CFTR: variants seen among roughly 807,000 people sequenced by gnomAD.
The protein encoded by CFTR is CF transmembrane conductance regulator, also known as cystic fibrosis transmembrane conductance regulator.
A neutral mutation model predicts 171.6 loss-of-function variants in CFTR; 181 were observed. The ratio of observed to expected loss-of-function variants is 1.05; its 90% CI spans 0.93 to 1.19. The LOEUF (loss-of-function observed/expected upper bound fraction) is 1.19, where lower values mean the gene tolerates loss of function less well. Ranked by LOEUF, CFTR falls within the 50% of genes most tolerant of loss-of-function variation. CFTR has a pLI of 0.00. For synonymous variants in CFTR, 583 were observed against 608.0 expected (o/e 0.96, Z 0.60); for missense variants, 1,968 against 1,734.7 (o/e 1.13, Z -2.39).
At chr7:117,574,313 T>C (rs1042324996) in intron 11 of CFTR, among the ~76,000 whole-genome samples, 15 of 152,090 alleles carry the variant, frequency 9.9e-5, no homozygotes, top group Non-Finnish European at 1.9e-4. Context: ...ATTATTAATG[T>C]ATTTTGTTTT....
intron 15 of CFTR, among the ~76,000 whole-genome samples, chr7:117,597,079 A>C (rs1792141693): frequency 6.6e-6 from 1 of 152,208 alleles, no homozygotes; most frequent in Admixed American, 6.5e-5. Context: ...CCTGAGCCAG[A>C]AGTGGCAACC....
At chr7:117,637,750 A>T (rs1345435395) in intron 22 of CFTR, among the ~76,000 whole-genome samples, 2 of 151,920 alleles carry the variant, frequency 1.3e-5, no homozygotes, top group African/African-American at 4.8e-5. Context: ...GGTGGCACAC[A>T]CCTATAATCC....
chr7:117,535,941 T>C (rs1301700693), intron 6 of CFTR, among the ~76,000 whole-genome samples: 1 of 152,188 alleles, frequency 6.6e-6, no homozygotes, highest in East Asian at 1.9e-4. Context: ...TTCAGTTCAT[T>C]TTTGTAGATT....
At chr7:117,654,376 T>G (rs2116199014) in intron 24 of CFTR, among the ~76,000 whole-genome samples, 1 of 152,272 alleles carries the variant, frequency 6.6e-6, no homozygotes, top group African/African-American at 2.4e-5. Flanking sequence ...GCATGAGTGC[T>G]GGGGTCTGCT....
intron 20 of CFTR, among the ~76,000 whole-genome samples, chr7:117,613,909 C>T (rs143947263): frequency 6.7e-6 from 1 of 148,858 alleles, no homozygotes; most frequent in Admixed American, 6.7e-5. Context: ...ATACTGAACA[C>T]ATGAATTTTA....
rs770241677 is a variant in CFTR, at chr7:117,530,960, A to G, written c.335A>G (p.Asp112Gly). 5.0e-6 allele frequency: 8 copies of G among 1,613,724 alleles called. No homozygotes were observed. The Admixed American group carries it at 6.7e-5, about 13-fold the overall frequency. Residue 112 changes from aspartate to glycine, a missense_variant, in exon 4 of 27, where the codon GAT becomes GGT. Physicochemically the swap from Asp to Gly is moderately conservative, Grantham distance 94. Coordinates refer to ENST00000003084, the MANE Select transcript of CFTR (RefSeq NM_000492.4). ...LGRIIASYDP[D>G]NKEERSIAIY... ...AGAATCATAGCTTCCTATGACCCGGATAACAAGGAGGAACGCTCTATCGCG... is the reference window on the plus strand; with the variant it reads ...AGAATCATAGCTTCCTATGACCCGGGTAACAAGGAGGAACGCTCTATCGCG...
intron 12 of CFTR, among the ~76,000 whole-genome samples, chr7:117,590,141 A>T (rs943365964): frequency 6.6e-6 from 1 of 152,048 alleles, no homozygotes; most frequent in Non-Finnish European, 1.5e-5. Flanking sequence ...TCTGCAACTT[A>T]TTCCTTTATT....
intron 2 of CFTR, among the ~76,000 whole-genome samples, chr7:117,507,315 G>T (rs1426656663): frequency 6.6e-6 from 1 of 151,998 alleles, no homozygotes; most frequent in Non-Finnish European, 1.5e-5. Context: ...CTGCTCTCCT[G>T]GTCTCTCTAC....
At chr7:117,512,412 G>A (rs1356875059) in intron 3 of CFTR, among the ~76,000 whole-genome samples, 1 of 152,032 alleles carries the variant, frequency 6.6e-6, no homozygotes, top group East Asian at 1.9e-4. Context: ...CAAATCACAA[G>A]GTCAGGAGTT....
chr7:117,517,152 C>T (rs1298248185), intron 3 of CFTR, among the ~76,000 whole-genome samples: 1 of 152,094 alleles, frequency 6.6e-6, no homozygotes, highest in Non-Finnish European at 1.5e-5. Flanking sequence ...CGGTTCGCTG[C>T]ATCCATCAGC....
chr7:117,535,200 G>A, intron 5 of CFTR, 48 bp from the exon 6 acceptor site: 1 of 1,589,814 alleles, frequency 6.3e-7, no homozygotes, highest in Non-Finnish European at 8.6e-7. Flanking sequence ...AGTTTCTAGG[G>A]GTGGAAGATA....
intron 25 of CFTR, 30 bp downstream of exon 25, chr7:117,664,890 G>T (rs949056801): frequency 1.2e-6 from 2 of 1,608,242 alleles, no homozygotes; most frequent in East Asian, 4.5e-5. Flanking sequence ...TTACTTAATA[G>T]CACAGTGGGA....
intron 3 of CFTR, 104 bp downstream of exon 3, chr7:117,509,246 G>T: frequency 2.6e-6 from 2 of 763,918 alleles, no homozygotes; most frequent in Non-Finnish European, 4.6e-6. Flanking sequence ...AAAATATAAA[G>T]GATGAATCCA....
chr7:117,571,366 C>T (rs753916491), intron 11 of CFTR, among the ~76,000 whole-genome samples: 4 of 152,026 alleles, frequency 2.6e-5, no homozygotes, highest in African/African-American at 4.8e-5. Flanking sequence ...GTTTTTTTCA[C>T]GGGTTGGATT....
At chr7:117,576,437 T>C (rs1791770828) in intron 11 of CFTR, among the ~76,000 whole-genome samples, 1 of 152,134 alleles carries the variant, frequency 6.6e-6, no homozygotes, top group Non-Finnish European at 1.5e-5. Flanking sequence ...GATGTGCATA[T>C]GTTACATGCA....
rs1423209115 is a variant in CFTR at position 117,531,046 on chromosome 7, G to A, written c.421G>A (p.Ala141Thr). 1 of 1,613,712 alleles carries A rather than the reference G, an allele frequency of 6.2e-7. No individual in the cohort carries two copies. Among genetic ancestry groups the A allele is most frequent in the South Asian group, 1.1e-5 (1 of 91,056 alleles). ...FIVRTLLLHP[A>T]IFGLHHIGMQ... ...TGTGAGGACACTGCTCCTACACCCA[G>A]CCATTTTTGGCCTTCATCACATTGG... Residue 141 changes from alanine to threonine, a missense_variant, in exon 4 of 27, where the codon GCC (alanine) becomes ACC (threonine). Physicochemically the swap from Ala to Thr is moderately conservative, Grantham distance 58. Transcript: ENST00000003084.
chr7:117,543,889 C>CTTATATTTTGTACAG (rs1799096999), intron 9 of CFTR, among the ~76,000 whole-genome samples: 2 of 152,296 alleles, frequency 1.3e-5, no homozygotes, highest in South Asian at 4.1e-4. Context: ...GTAGTGACTT[C>CTTATATTTTGTACAG]TTTAAAAGCT....
At chr7:117,627,422 C>A in intron 21 of CFTR, 100 bp from the exon 22 acceptor site, 1 of 1,201,444 alleles carries the variant, frequency 8.3e-7, no homozygotes, top group Non-Finnish European at 1.2e-6. Flanking sequence ...TGACAAATAG[C>A]AAGTGTTGCA....
At chr7:117,587,930 T>A (rs1791970472) in intron 12 of CFTR, 97 bp downstream of exon 12, 1 of 803,202 alleles carries the variant, frequency 1.2e-6, no homozygotes, top group Non-Finnish European at 2.1e-6. Context: ...ATTCTGTTTC[T>A]GGAATTGAAA....
Sources: allele counts gnomAD v4.1 joint callset (sites outside exome capture counted in the v4.1 genomes callset), GRCh38; gene constraint gnomAD v4.1.1; transcripts MANE v1.5; gene names NCBI Gene and HGNC (gene_info 2026-07-23, HGNC 2026-07-21).